Variants in FAM13B observed in about 807,000 individuals in gnomAD.
FAM13B encodes family with sequence similarity 13 member B, also known as protein FAM13B.
A neutral mutation model predicts 117.3 loss-of-function variants in FAM13B; 60 were observed. The observed-to-expected ratio is 0.51, with a 90% CI of 0.42 to 0.63. The LOEUF is 0.63. FAM13B is among the 30% of genes least tolerant of loss of function. The pLI is 0.00. For missense variants in FAM13B, 972 were observed against 1,091.9 expected (o/e 0.89, Z 1.55); for synonymous variants, 332 against 356.1 (o/e 0.93, Z 0.76).
At chr5:137,955,285 A>T (rs568619216) in intron 14 of FAM13B, among the ~76,000 whole-genome samples, 1 of 152,326 alleles carries the variant, frequency 6.6e-6, no homozygotes, top group African/African-American at 2.4e-5. Flanking sequence ...TTCCCAAAGG[A>T]GGAGCTAATT....
In FAM13B at chr5:137,987,620, C is replaced by T. The variant is rs1393817915; in HGVS notation, c.891-4G>A. On this transcript the variant is annotated splice_region_variant and splice_polypyrimidine_tract_variant and intron_variant, in intron 8 of 23. Transcript: ENST00000689681. ...TCTAATTGTTCTTTCTAAAATACTA[C>T]AAAACAACACGTTTTAGTAAGAAGC... 1.2e-6 allele frequency: 2 copies of T among 1,606,032 alleles called. No individual in the cohort carries two copies. The highest frequency in any genetic ancestry group is 1.7e-6 in the Non-Finnish European group (2 of 1,176,284).
upstream of FAM13B, chr5:138,036,541 G>A (rs765158110): frequency 6.4e-5 from 29 of 456,572 alleles, no homozygotes; most frequent in South Asian, 4.2e-4. Flanking sequence ...CCACTCCCTC[G>A]ACTTGAAGTA....
intron 10 of FAM13B, among the ~76,000 whole-genome samples, chr5:137,969,487 A>C (rs1263616832): frequency 6.6e-6 from 1 of 152,242 alleles, no homozygotes; most frequent in Non-Finnish European, 1.5e-5. Flanking sequence ...GGCCAAAGGT[A>C]GATAAAACCA....
chr5:138,028,951 G>C (rs529131976), intron 1 of FAM13B, among the ~76,000 whole-genome samples: 1 of 152,174 alleles, frequency 6.6e-6, no homozygotes, highest in Admixed American at 6.6e-5. Context: ...GCCAGGAGAC[G>C]GAGGTTGCAG....
At chr5:138,003,388 A>G (rs1323181282) in intron 7 of FAM13B, among the ~76,000 whole-genome samples, 1 of 152,240 alleles carries the variant, frequency 6.6e-6, no homozygotes, top group African/African-American at 2.4e-5. Context: ...TTTACCTGAA[A>G]AGTACTATAA....
At chr5:137,979,976 A>G (rs1775181857) in intron 10 of FAM13B, among the ~76,000 whole-genome samples, 3 of 150,020 alleles carry the variant, frequency 2.0e-5, no homozygotes, top group Non-Finnish European at 3.0e-5. Flanking sequence ...AGCCTGATCA[A>G]TAAGGAGAAA....
intron 22 of FAM13B, 145 bp from the exon 23 acceptor site, chr5:137,942,190 C>T: frequency 1.5e-6 from 1 of 648,420 alleles, no homozygotes; most frequent in East Asian, 2.7e-5. Flanking sequence ...CCAATGAAAT[C>T]AGAATAGCTG....
At chr5:138,030,717 C>A (rs934371686) in intron 1 of FAM13B, among the ~76,000 whole-genome samples, 1 of 142,584 alleles carries the variant, frequency 7.0e-6, no homozygotes, top group East Asian at 2.2e-4. Context: ...TCCGTCCCCC[C>A]CCCCCAAAAA....
rs547846347 is a variant in FAM13B at position 137,945,143 on chromosome 5, C to G, written c.2340+759G>C. The stretch of plus-strand genomic sequence containing the variant: ...AAGAAAGTCACCAGGCAGTCATCAC[C>G]TAAAGGAAGCTGCCATGCAAGTAGC... On this transcript the variant is annotated intron_variant, in intron 20 of 23. Transcript: ENST00000689681. Among the ~76,000 whole-genome samples the G allele has an allele frequency of 1.6e-4, 25 of 152,130 alleles. No homozygotes were observed. In the South Asian group the frequency reaches 4.6e-3, roughly 28 times the overall value.
At chr5:138,001,656 C>T (rs1022022405) in intron 7 of FAM13B, among the ~76,000 whole-genome samples, 4 of 152,018 alleles carry the variant, frequency 2.6e-5, no homozygotes, top group Non-Finnish European at 1.5e-5. Flanking sequence ...CAGACAATAA[C>T]AATAATACAT....
rs1777726025 is a variant in FAM13B, at chr5:137,988,255, C to A, written c.890+19G>T. The A allele has an allele frequency of 6.6e-7, 1 of 1,522,790 alleles. No individual in the cohort carries two copies. Among genetic ancestry groups the A allele is most frequent in the Non-Finnish European group, 8.8e-7 (1 of 1,142,152 alleles). The allele number at this position is 1,522,790 out of a possible 1,614,324, so 94.3% of individuals were successfully genotyped here. ...TTTTAAAATCTTAAAAATTTGTCTT[C>A]TATAAATATACTACTTACTCTGTAG... is the stretch of plus-strand genomic sequence containing the variant. On this transcript the variant is annotated intron_variant, in intron 8 of 23. Transcript: ENST00000689681.
At chr5:137,944,134 T>C (rs1163833704) in intron 20 of FAM13B, among the ~76,000 whole-genome samples, 2 of 152,216 alleles carry the variant, frequency 1.3e-5, no homozygotes, top group Non-Finnish European at 2.9e-5. Context: ...TGCCCCTTTG[T>C]GTCAGGCTTC....
rs147967918 is a variant in FAM13B, at chr5:138,026,233, T to C, written c.-202-5036A>G. Among the ~76,000 whole-genome samples, 36 of 152,338 alleles carry C rather than the reference T, an allele frequency of 2.4e-4. No individual in the cohort carries two copies. The East Asian group carries it at 6.7e-3, about 29-fold the overall frequency. ...GAGGTGATGAAAATGTTCTATGTCATAACTGTGGCAGTGATAGTTACATAT... is the reference window on the plus strand; with the variant it reads ...GAGGTGATGAAAATGTTCTATGTCACAACTGTGGCAGTGATAGTTACATAT... On this transcript the variant is annotated intron_variant, in intron 1 of 23. Coordinates refer to ENST00000689681, the MANE Select transcript of FAM13B (RefSeq NM_001385994.1).
rs1391832140 is a variant in FAM13B at position 138,011,752 on chromosome 5, T to G, written c.548+16A>C. On this transcript the variant is annotated intron_variant, in intron 5 of 23. Coordinates refer to ENST00000689681, the MANE Select transcript of FAM13B (RefSeq NM_001385994.1). The stretch of plus-strand genomic sequence containing the variant: ...TAATTTTTAAAAATTAAACAAAAAT[T>G]TTTTAAACAACTTACTGGAAGACAT... 1 of 1,588,600 alleles carries G rather than the reference T, an allele frequency of 6.3e-7. No homozygotes were observed. Among genetic ancestry groups the G allele is most frequent in the Non-Finnish European group, 8.6e-7 (1 of 1,169,366 alleles).
intron 10 of FAM13B, among the ~76,000 whole-genome samples, chr5:137,970,818 C>A (rs936185371): frequency 6.6e-6 from 1 of 151,928 alleles, no homozygotes; most frequent in Non-Finnish European, 1.5e-5. Context: ...ATCCTAGTCT[C>A]TGATAAAACA....
intron 2 of FAM13B, 134 bp from the exon 3 acceptor site, chr5:138,019,280 G>A (rs1561537202): frequency 2.8e-6 from 2 of 719,044 alleles, no homozygotes; most frequent in Non-Finnish European, 4.4e-6. Flanking sequence ...CAGGCCCATA[G>A]TGTGTTCTAC....
intron 7 of FAM13B, among the ~76,000 whole-genome samples, chr5:137,998,759 G>A (rs531192779): frequency 3.3e-5 from 5 of 152,358 alleles, no homozygotes; most frequent in East Asian, 1.9e-4. Flanking sequence ...CTATCTGGAA[G>A]ATTACAGAAC....
At chr5:137,997,352 C>A (rs1049901612) in intron 7 of FAM13B, among the ~76,000 whole-genome samples, 3 of 152,042 alleles carry the variant, frequency 2.0e-5, no homozygotes, top group Admixed American at 2.0e-4. Context: ...ACCTGTAATC[C>A]CAGCTACTTG....
At chr5:137,989,411 A>T (rs1036253820) in intron 7 of FAM13B, among the ~76,000 whole-genome samples, 1 of 152,210 alleles carries the variant, frequency 6.6e-6, no homozygotes, top group African/African-American at 2.4e-5. Flanking sequence ...CCTCCTACAT[A>T]TAAAAATATT....
Sources: allele counts gnomAD v4.1 joint callset (sites outside exome capture counted in the v4.1 genomes callset), GRCh38; gene constraint gnomAD v4.1.1; transcripts MANE v1.5; gene names NCBI Gene and HGNC (gene_info 2026-07-23, HGNC 2026-07-21).